Variants in LRRTM4 observed in about 807,000 individuals in gnomAD.
LRRTM4 encodes leucine-rich repeat transmembrane neuronal protein 4.
Under a neutral mutation model 47.6 loss-of-function variants are expected in LRRTM4, and 25 were observed. The ratio of observed to expected loss-of-function variants is 0.53; its 90% CI spans 0.38 to 0.73. The LOEUF is 0.73. LRRTM4 is among the 30% of genes least tolerant of loss of function. LRRTM4 has a pLI of 0.00. For synonymous variants in LRRTM4, 311 were observed against 269.5 expected (o/e 1.15, Z -1.51); for missense variants, 638 against 713.4 (o/e 0.89, Z 1.20).
At chr2:77,217,961 T>C (rs1410465386) in intron 3 of LRRTM4, among the ~76,000 whole-genome samples, 1 of 152,180 alleles carries the variant, frequency 6.6e-6, no homozygotes, top group African/African-American at 2.4e-5. Context: ...TAAATATTCA[T>C]TAAACAAAAC....
intron 3 of LRRTM4, among the ~76,000 whole-genome samples, chr2:77,427,085 T>A (rs1213596371): frequency 6.6e-6 from 1 of 151,794 alleles, no homozygotes; most frequent in African/African-American, 2.4e-5. Context: ...TTCAAGTGAT[T>A]CTCCTGCCCC....
chr2:77,017,517 G>A (rs1223955444), intron 3 of LRRTM4, among the ~76,000 whole-genome samples: 3 of 152,040 alleles, frequency 2.0e-5, no homozygotes, highest in Non-Finnish European at 4.4e-5. Flanking sequence ...CAAGTAAAAG[G>A]AACATTTGCT....
intron 3 of LRRTM4, among the ~76,000 whole-genome samples, chr2:76,858,657 G>A (rs1270798031): frequency 6.6e-6 from 1 of 152,144 alleles, no homozygotes; most frequent in Non-Finnish European, 1.5e-5. Flanking sequence ...GTAATAAATA[G>A]ATATTTTACT....
intron 3 of LRRTM4, among the ~76,000 whole-genome samples, chr2:77,004,040 T>G (rs1430319889): frequency 1.3e-5 from 2 of 152,150 alleles, no homozygotes; most frequent in African/African-American, 4.8e-5. Flanking sequence ...AGAAATAATT[T>G]AGGGTATCCA....
intron 3 of LRRTM4, among the ~76,000 whole-genome samples, chr2:76,946,931 C>T (rs1170558867): frequency 1.3e-5 from 2 of 151,870 alleles, no homozygotes; most frequent in East Asian, 3.9e-4. Flanking sequence ...CACAGCTGGA[C>T]AGAAGGAAGA....
At chr2:77,239,865 C>T (rs917879273) in intron 3 of LRRTM4, among the ~76,000 whole-genome samples, 3 of 151,694 alleles carry the variant, frequency 2.0e-5, no homozygotes, top group Admixed American at 2.0e-4. Context: ...AATAGAAAAT[C>T]AGTATAATCA....
rs548694570 is a variant in LRRTM4 at position 76,832,379 on chromosome 2, A to G, written c.1552-83463T>C. On this transcript the variant is annotated intron_variant, in intron 3 of 3. Transcript: ENST00000409884. ...CATAAACATAAGTACTTCTCTGGCC[A>G]CCAAGTGAACTGCACATGCTGTGAT... Among the ~76,000 whole-genome samples the G allele has an allele frequency of 3.3e-5, 5 of 150,992 alleles. No individual in the cohort carries two copies. The East Asian group carries it at 9.8e-4, about 30-fold the overall frequency.
rs140283063 is a variant in LRRTM4, at chr2:76,749,647, G to A, written c.1552-731C>T. Among the ~76,000 whole-genome samples the A allele has an allele frequency of 3.9e-3, 593 of 152,196 alleles. 1 individual carries two copies. The highest frequency in any genetic ancestry group is 6.9e-3 in the Non-Finnish European group (471 of 67,996). ...AGCCAAATATGTGTCTAATGTTAGC[G>A]TAACAGACCTGAATAATGGTCTGCA... On this transcript the variant is annotated intron_variant, in intron 3 of 3. Coordinates refer to ENST00000409884, the MANE Select transcript of LRRTM4 (RefSeq NM_001134745.3).
chr2:77,356,814 G>A (rs1031397453), intron 3 of LRRTM4, among the ~76,000 whole-genome samples: 3 of 152,094 alleles, frequency 2.0e-5, no homozygotes, highest in East Asian at 1.9e-4. Context: ...AACTTTCAGC[G>A]TGTCGGTTTT....
intron 3 of LRRTM4, among the ~76,000 whole-genome samples, chr2:77,172,450 C>T (rs928406743): frequency 1.3e-5 from 2 of 151,990 alleles, no homozygotes; most frequent in Non-Finnish European, 2.9e-5. Context: ...CAAAACTAGC[C>T]AGACGTGGTG....
intron 3 of LRRTM4, among the ~76,000 whole-genome samples, chr2:77,283,133 C>A (rs1359632759): frequency 1.3e-5 from 2 of 151,648 alleles, no homozygotes; most frequent in Non-Finnish European, 3.0e-5. Context: ...AATTAACAAG[C>A]AAAACTCAAA....
intron 3 of LRRTM4, among the ~76,000 whole-genome samples, chr2:76,989,531 T>C (rs115173863): frequency 6.6e-6 from 1 of 151,848 alleles, no homozygotes; most frequent in African/African-American, 2.4e-5. Context: ...TAGTTACATG[T>C]TGAGAGAAAA....
chr2:76,886,481 G>A (rs1436402554), intron 3 of LRRTM4, among the ~76,000 whole-genome samples: 1 of 151,896 alleles, frequency 6.6e-6, no homozygotes, highest in Non-Finnish European at 1.5e-5. Flanking sequence ...TTATAAAACT[G>A]TTCTATCCAA....
chr2:77,488,109 G>A (rs1677998168), intron 3 of LRRTM4, among the ~76,000 whole-genome samples: 1 of 152,182 alleles, frequency 6.6e-6, no homozygotes, highest in South Asian at 2.1e-4. Context: ...GAAGGAGAGA[G>A]GAGCTGCAGC....
chr2:77,234,490 G>T (rs78792112), intron 3 of LRRTM4, among the ~76,000 whole-genome samples: 1,999 of 152,168 alleles, frequency 0.013, 32 homozygotes, highest in African/African-American at 0.04. Flanking sequence ...ACTGTAAAAG[G>T]TAGGATTAAC....
At chr2:77,358,669 T>G (rs894021595) in intron 3 of LRRTM4, among the ~76,000 whole-genome samples, 1 of 152,220 alleles carries the variant, frequency 6.6e-6, no homozygotes, top group African/African-American at 2.4e-5. Context: ...AATAACAAAT[T>G]TCATTCATGA....
At position 76,826,110 on chromosome 2, in the gene LRRTM4, G is replaced by C. The variant is rs376492749; in HGVS notation, c.1552-77194C>G. ...AAGGAAGGCGAGATTGTATATGAGC[G>C]AGTATTTTCCATAAGATTTGCTACA... On this transcript the variant is annotated intron_variant, in intron 3 of 3. Transcript: ENST00000409884. Among the ~76,000 whole-genome samples the C allele has an allele frequency of 2.6e-5, 4 of 151,506 alleles. No homozygotes were observed. The Admixed American group carries it at 2.6e-4, about 10-fold the overall frequency.
At chr2:77,276,220 G>C (rs919096779) in intron 3 of LRRTM4, among the ~76,000 whole-genome samples, 1 of 151,632 alleles carries the variant, frequency 6.6e-6, no homozygotes, top group African/African-American at 2.4e-5. Context: ...TTTTGGATTG[G>C]CCCAAAAGCC....
chr2:77,291,044 T>C (rs1676809948), intron 3 of LRRTM4, among the ~76,000 whole-genome samples: 1 of 152,208 alleles, frequency 6.6e-6, no homozygotes, highest in African/African-American at 2.4e-5. Context: ...TCCTATTGAA[T>C]AAGGTAAGAG....
Sources: allele counts gnomAD v4.1 joint callset (sites outside exome capture counted in the v4.1 genomes callset), GRCh38; gene constraint gnomAD v4.1.1; transcripts MANE v1.5; gene names NCBI Gene and HGNC (gene_info 2026-07-23, HGNC 2026-07-21).